Variants in CDON observed in about 807,000 individuals in gnomAD.
CDON encodes cell adhesion molecule-related/down-regulated by oncogenes.
In CDON, 73 loss-of-function variants were observed where a neutral mutation model predicts 120.9. The ratio of observed to expected loss-of-function variants is 0.60; its 90% confidence interval spans 0.50 to 0.73. The LOEUF (loss-of-function observed/expected upper bound fraction) is 0.73. CDON is among the 30% of genes least tolerant of loss of function. The pLI, the probability that CDON is intolerant of heterozygous loss-of-function variation, is 0.00. For synonymous variants in CDON, 566 were observed against 573.5 expected (o/e 0.99, Z 0.19); for missense variants, 1,470 against 1,587.3 (o/e 0.93, Z 1.26).
Position 125,978,336 on chromosome 11 carries a change from A to G in CDON, c.3324T>C (p.Cys1108=), listed in dbSNP as rs1296896416. The change falls in exon 18 of 20, where the codon TGT becomes TGC. Residue 1108 remains cysteine, a synonymous_variant. Coordinates refer to ENST00000531738, the MANE Select transcript of CDON (RefSeq NM_001378964.1). ...TAVPQIDPLE[C]VNCRNCRNNN... ...TGTTTCGACAATTTCGGCAGTTAAC[A>G]CACTCCAGAGGGTCAATCTGAGGCA... 2 of 1,609,744 alleles carry G rather than the reference A, an allele frequency of 1.2e-6. No individual in the cohort carries two copies. Among genetic ancestry groups the G allele is most frequent in the Non-Finnish European group, 8.5e-7 (1 of 1,177,316 alleles).
rs145765695 is a variant in CDON, at chr11:125,992,760, T to C, written c.2650+1524A>G. On this transcript the variant is annotated intron_variant, in intron 14 of 19. Coordinates refer to ENST00000531738, the MANE Select transcript of CDON (RefSeq NM_001378964.1). ...GTATTTTAAGAAATGTGATACAGCA[T>C]AATGTAATTTATTATAACACAAACT... Among the ~76,000 whole-genome samples the C allele has an allele frequency of 5.6e-3, 846 of 152,368 alleles. 11 individuals carry two copies. The highest frequency in any genetic ancestry group is 0.016 in the African/African-American group (685 of 41,576).
chr11:126,028,331 C>T (rs544650820), intron 1 of CDON, among the ~76,000 whole-genome samples: 3 of 151,706 alleles, frequency 2.0e-5, no homozygotes, highest in African/African-American at 7.2e-5. Flanking sequence ...GTTTTAAATG[C>T]TTTAATTTAT....
chr11:126,015,974 C>G (rs1393363544), intron 6 of CDON, among the ~76,000 whole-genome samples: 1 of 152,160 alleles, frequency 6.6e-6, no homozygotes, highest in African/African-American at 2.4e-5. Flanking sequence ...AATAAAAGAA[C>G]AAAACTTCCT....
chr11:125,998,663 G>T (rs993796067), intron 11 of CDON, among the ~76,000 whole-genome samples: 1 of 152,182 alleles, frequency 6.6e-6, no homozygotes, highest in African/African-American at 2.4e-5. Context: ...GGTTGTAACT[G>T]GCTTCCCACT....
rs76724574 is a variant in CDON at position 125,959,959 on chromosome 11, T to C, written c.*983A>G. Reference sequence around the variant, plus strand: ...AAAGCAGTGGGACATGAGGCATTATTTGTCTCTCTGGCCTTGGTTCCTTTT... The same window carrying C: ...AAAGCAGTGGGACATGAGGCATTATCTGTCTCTCTGGCCTTGGTTCCTTTT... On this transcript the variant is annotated 3_prime_UTR_variant, in exon 20 of 20. Coordinates refer to ENST00000531738, the MANE Select transcript of CDON (RefSeq NM_001378964.1). The C allele has an allele frequency of 3.0e-3, 457 of 152,334 alleles. 2 individuals are homozygous for C. Among genetic ancestry groups the C allele is most frequent in the African/African-American group, 0.01 (431 of 41,566 alleles). 9.4% of individuals were successfully genotyped at this position (152,334 alleles called of 1,614,324 possible). A position where few individuals can be genotyped will look rare whatever the true frequency, so the allele number is the denominator to read the frequency against.
In CDON at chr11:126,015,193, C is replaced by A. The variant is rs750807028; in HGVS notation, c.1198+48G>T. The A allele has an allele frequency of 1.9e-6, 3 of 1,549,324 alleles. No homozygotes were observed. In the South Asian group the frequency reaches 3.3e-5, roughly 17 times the overall value. On this transcript the variant is annotated intron_variant, in intron 7 of 19. Transcript: ENST00000531738. ...TTCATTTTTGACCACAACAAAAGCC[C>A]ATCTGTAAAATAAAAGTTCTTATGA... is the stretch of plus-strand genomic sequence containing the variant.
chr11:126,016,130 G>GGTTATAATT (rs1338815626), intron 6 of CDON, among the ~76,000 whole-genome samples: 1 of 152,146 alleles, frequency 6.6e-6, no homozygotes, highest in Non-Finnish European at 1.5e-5. Context: ...TTCCAGTGTT[G>GGTTATAATT]CTAACCTATA....
chr11:126,035,273 G>A (rs1948064778), intron 1 of CDON, among the ~76,000 whole-genome samples: 1 of 152,156 alleles, frequency 6.6e-6, no homozygotes, highest in African/African-American at 2.4e-5. Flanking sequence ...TCTTGGAAAA[G>A]GATCTTTGCT....
Position 125,973,018 on chromosome 11 carries a change from CTTTT to C in CDON, c.3356+5282_3356+5285del, listed in dbSNP as rs35828939. Among the ~76,000 whole-genome samples the C allele has an allele frequency of 4.1e-4, 36 of 87,032 alleles. 1 individual carries two copies. The highest frequency in any genetic ancestry group is 2.7e-3 in the East Asian group (7 of 2,620). The allele number at this position is 87,032 out of a possible 152,430, so 57.1% of individuals were successfully genotyped here. A position where few individuals can be genotyped will look rare whatever the true frequency, so the allele number is the denominator to read the frequency against. On this transcript the variant is annotated intron_variant, in intron 18 of 19. Coordinates refer to ENST00000531738, the MANE Select transcript of CDON (RefSeq NM_001378964.1). ...TGGCCTCTTCAACCAATTACTTGGT[CTTTT>C]TTTTTTTTTTTTTTTTTTTTAAATC...
At chr11:125,998,061 T>C (rs565340994) in intron 11 of CDON, among the ~76,000 whole-genome samples, 71 of 152,108 alleles carry the variant, frequency 4.7e-4, no homozygotes, top group Admixed American at 1.1e-3. Flanking sequence ...CACGTGAACA[T>C]GTAGAAAAGG....
intron 19 of CDON, 120 bp from the exon 20 acceptor site, chr11:125,961,225 C>T (rs553660490): frequency 2.5e-5 from 23 of 911,628 alleles, no homozygotes; most frequent in Non-Finnish European, 3.7e-5. Context: ...TAAATAGAAC[C>T]TGGTTTGTGT....
chr11:126,051,885 G>C (rs1809278034), intron 1 of CDON, among the ~76,000 whole-genome samples: 1 of 151,972 alleles, frequency 6.6e-6, no homozygotes, highest in Non-Finnish European at 1.5e-5. Context: ...CTGACCTCAG[G>C]TGATCCACCC....
chr11:126,062,232 C>A (rs936924671), intron 1 of CDON, among the ~76,000 whole-genome samples: 2 of 152,154 alleles, frequency 1.3e-5, no homozygotes. Context: ...GCCAGGGACC[C>A]GGCTCCCTTG....
chr11:126,019,812 TTC>T, intron 3 of CDON, 47 bp from the exon 4 acceptor site: 1 of 1,544,078 alleles, frequency 6.5e-7, no homozygotes, highest in African/African-American at 1.4e-5. Flanking sequence ...CAAATTTGAA[TTC>T]TTTTTCCCAA....
chr11:126,007,775 A>G (rs1253867954), intron 8 of CDON, among the ~76,000 whole-genome samples: 2 of 152,162 alleles, frequency 1.3e-5, no homozygotes, highest in Non-Finnish European at 2.9e-5. Context: ...GATTCAATTA[A>G]CTTTCTTCTT....
At chr11:125,976,618 AAC>A (rs60615493) in intron 18 of CDON, among the ~76,000 whole-genome samples, 4,862 of 151,074 alleles carry the variant, frequency 0.032, 259 homozygotes, top group African/African-American at 0.11. Context: ...CACACACACA[AAC>A]ACACACACAC....
At chr11:125,967,492 C>T (rs979982379) in intron 18 of CDON, among the ~76,000 whole-genome samples, 11 of 152,160 alleles carry the variant, frequency 7.2e-5, no homozygotes, top group Non-Finnish European at 7.4e-5. Flanking sequence ...CTGGAGCAAA[C>T]GCAATGACAG....
chr11:126,035,789 T>C (rs376175303), intron 1 of CDON, among the ~76,000 whole-genome samples: 30 of 151,700 alleles, frequency 2.0e-4, no homozygotes, highest in African/African-American at 5.6e-4. Context: ...AACTAGAAAA[T>C]AGAAAAACAA....
chr11:125,967,024 T>TA (rs11372251), intron 18 of CDON, among the ~76,000 whole-genome samples: 31,056 of 143,334 alleles, frequency 0.22, 3,557 homozygotes, highest in African/African-American at 0.32. Flanking sequence ...GCAACAGATT[T>TA]AAAAAAAAAA....
Sources: gnomAD v4.1 joint callset for allele counts (sites outside exome capture counted in the v4.1 genomes callset) on GRCh38, gnomAD v4.1.1 for gene constraint, MANE v1.5 for transcripts, NCBI Gene and HGNC (gene_info 2026-07-23, HGNC 2026-07-21) for gene names.